Variants in LIN9 observed in about 807,000 individuals in gnomAD.
The protein encoded by LIN9 is protein lin-9 homolog.
A neutral mutation model predicts 78.0 loss-of-function variants in LIN9; 18 were observed. The ratio of observed to expected loss-of-function variants is 0.23; its 90% confidence interval spans 0.16 to 0.34. LIN9 has a LOEUF of 0.34. Ranked by LOEUF, LIN9 falls within the 10% of genes least tolerant of loss-of-function variation. The pLI is 1.00. For missense variants in LIN9, 451 were observed against 644.1 expected, an observed-to-expected ratio of 0.70 and a Z score of 3.25; for synonymous variants, 192 against 215.2, an observed-to-expected ratio of 0.89 and a Z score of 0.94.
chr1:226,238,644 T>A (rs1279658812), intron 12 of LIN9, among the ~76,000 whole-genome samples: 7 of 151,378 alleles, frequency 4.6e-5, no homozygotes, highest in African/African-American at 1.7e-4. Context: ...AATAAATAAA[T>A]AAATAAAGAA....
intron 12 of LIN9, among the ~76,000 whole-genome samples, chr1:226,234,001 A>T (rs975319859): frequency 3.3e-5 from 5 of 152,168 alleles, no homozygotes; most frequent in Admixed American, 3.3e-4. Flanking sequence ...GATTAGACTG[A>T]AGTTATGCAT....
At chr1:226,300,791 G>C (rs986756495) in intron 2 of LIN9, among the ~76,000 whole-genome samples, 35 of 152,210 alleles carry the variant, frequency 2.3e-4, no homozygotes, top group African/African-American at 8.0e-4. Flanking sequence ...GGGACGCAGA[G>C]GTTGCAGTGA....
intron 6 of LIN9, among the ~76,000 whole-genome samples, chr1:226,278,975 C>CA (rs1660857864): frequency 6.8e-6 from 1 of 147,504 alleles, no homozygotes; most frequent in African/African-American, 2.5e-5. Flanking sequence ...AAAAAAAAAC[C>CA]AAAAAACAAA....
chr1:226,246,792 CAA>C (rs34407541), intron 11 of LIN9, among the ~76,000 whole-genome samples: 304 of 77,994 alleles, frequency 3.9e-3, no homozygotes, highest in Middle Eastern at 0.016. Context: ...GACTCTGTCT[CAA>C]AAAAAAAAAA....
intron 8 of LIN9, among the ~76,000 whole-genome samples, chr1:226,267,318 A>ATATGTATGTATGTATG (rs139272484): frequency 0.24 from 33,122 of 140,666 alleles, 4,172 homozygotes; most frequent in South Asian, 0.36. Context: ...TATTATGTAT[A>ATATGTATGTATGTATG]TATGTATGTA....
chr1:226,246,358 C>T (rs1400830893), intron 11 of LIN9, among the ~76,000 whole-genome samples: 1 of 152,116 alleles, frequency 6.6e-6, no homozygotes, highest in East Asian at 1.9e-4. Flanking sequence ...CTTCTGTCTT[C>T]TATTGTTTCT....
intron 10 of LIN9, among the ~76,000 whole-genome samples, chr1:226,264,825 G>C (rs1659816183): frequency 6.6e-6 from 1 of 151,884 alleles, no homozygotes; most frequent in African/African-American, 2.4e-5. Context: ...CTCCAGCCTG[G>C]GCAACAGAGC....
intron 10 of LIN9, among the ~76,000 whole-genome samples, chr1:226,256,058 T>A (rs113326273): frequency 1.3e-5 from 2 of 151,778 alleles, no homozygotes; most frequent in Admixed American, 6.6e-5. Flanking sequence ...TTTACACATA[T>A]CATATTCAAA....
At chr1:226,247,865 G>C (rs1013582807) in intron 11 of LIN9, among the ~76,000 whole-genome samples, 2 of 151,888 alleles carry the variant, frequency 1.3e-5, no homozygotes. Context: ...GTAGAGACAG[G>C]GTTTTGCCAT....
At chr1:226,288,131 C>T (rs536621263) in intron 4 of LIN9, among the ~76,000 whole-genome samples, 1 of 152,120 alleles carries the variant, frequency 6.6e-6, no homozygotes, top group African/African-American at 2.4e-5. Context: ...GCCACCACAC[C>T]CAGCTAATTT....
intron 10 of LIN9, among the ~76,000 whole-genome samples, chr1:226,256,675 C>T (rs1285280619): frequency 1.3e-5 from 2 of 151,888 alleles, no homozygotes; most frequent in East Asian, 3.9e-4. Context: ...TCTCCTGCCT[C>T]AGCCTCCCGA....
intron 6 of LIN9, among the ~76,000 whole-genome samples, chr1:226,284,125 A>G (rs193107895): frequency 6.6e-6 from 1 of 152,308 alleles, no homozygotes; most frequent in African/African-American, 2.4e-5. Flanking sequence ...AGACTACTAA[A>G]CAGTAGTCTC....
chr1:226,244,722 T>C (rs1658351546), intron 11 of LIN9, among the ~76,000 whole-genome samples: 1 of 152,240 alleles, frequency 6.6e-6, no homozygotes, highest in South Asian at 2.1e-4. Flanking sequence ...GATATTCATT[T>C]AACCATTTAC....
chr1:226,257,787 T>C (rs1346829114), intron 10 of LIN9, among the ~76,000 whole-genome samples: 3 of 152,140 alleles, frequency 2.0e-5, no homozygotes, highest in East Asian at 1.9e-4. Context: ...AAATAGAACA[T>C]AGTAATAAAC....
chr1:226,271,293 G>T (rs1224212851), intron 7 of LIN9, among the ~76,000 whole-genome samples: 2 of 152,080 alleles, frequency 1.3e-5, no homozygotes, highest in African/African-American at 4.8e-5. Context: ...CTTTTTACCT[G>T]CCAGATTCTT....
chr1:226,290,592 G>A (rs1055816856), intron 4 of LIN9, among the ~76,000 whole-genome samples: 3 of 151,698 alleles, frequency 2.0e-5, no homozygotes, highest in Non-Finnish European at 4.4e-5. Context: ...CGCCCACCTC[G>A]GCCTCCCAAA....
chr1:226,268,592 G>A (rs1446808663), intron 7 of LIN9, among the ~76,000 whole-genome samples: 1 of 152,164 alleles, frequency 6.6e-6, no homozygotes, highest in Non-Finnish European at 1.5e-5. Context: ...AATAATGGTG[G>A]TTTTACTGTG....
At position 226,301,084 on chromosome 1, in the gene LIN9, T is replaced by G. The variant is rs1017022708; in HGVS notation, c.64+89A>C. On this transcript the variant is annotated intron_variant, in intron 2 of 14. Coordinates refer to ENST00000681046, the MANE Select transcript of LIN9 (RefSeq NM_001366245.2). ...CTGAAAAGCTACAATGAATCATAAC[T>G]TAGAAGGAAAATGGAAACACTATAT... 4 of 919,014 alleles carry G rather than the reference T, an allele frequency of 4.4e-6. No individual in the cohort carries two copies. In the African/African-American group the frequency reaches 6.7e-5, roughly 15 times the overall value. 56.9% of individuals were successfully genotyped at this position (919,014 alleles called of 1,614,324 possible). A position where few individuals can be genotyped will look rare whatever the true frequency, so the allele number is the denominator to read the frequency against.
At chr1:226,294,998 G>C (rs12025783) in intron 4 of LIN9, among the ~76,000 whole-genome samples, 1 of 151,724 alleles carries the variant, frequency 6.6e-6, no homozygotes, top group Admixed American at 6.6e-5. Context: ...ACAGGGTTTC[G>C]CCATGTTGGC....
Sources: gnomAD v4.1 joint callset for allele counts (sites outside exome capture counted in the v4.1 genomes callset) on GRCh38, gnomAD v4.1.1 for gene constraint, MANE v1.5 for transcripts, NCBI Gene and HGNC (gene_info 2026-07-23, HGNC 2026-07-21) for gene names.